Variants in MYO18A observed in about 807,000 individuals in gnomAD.
The protein encoded by MYO18A is unconventional myosin-XVIIIa.
A neutral mutation model predicts 235.8 loss-of-function variants in MYO18A; 78 were observed. That is an observed-to-expected ratio of 0.33 (90% CI 0.28 to 0.40). MYO18A has a LOEUF of 0.40. Ranked by LOEUF, MYO18A falls within the 10% of genes least tolerant of loss-of-function variation. The pLI is 1.00. For synonymous variants in MYO18A, 977 were observed against 1,077.8 expected (o/e 0.91, Z 1.83); for missense variants, 2,215 against 2,699.3 (o/e 0.82, Z 3.98).
In MYO18A at chr17:29,132,041, A is replaced by T. The variant is rs1402886773; in HGVS notation, c.1000-9788T>A. 2.6e-5 allele frequency among the ~76,000 whole-genome samples: 4 copies of T among 152,194 alleles called. No individual in the cohort carries two copies. In the South Asian group the frequency reaches 6.2e-4, roughly 24 times the overall value. On this transcript the variant is annotated intron_variant, in intron 2 of 41. Coordinates refer to ENST00000527372, the MANE Select transcript of MYO18A (RefSeq NM_078471.4). ...CAGAGGCGGAGATTCAGGAGGCCAG[A>T]TATTTTCTCAACCTCAGACCCACAA...
At chr17:29,090,215 C>T in intron 36 of MYO18A, 117 bp from the exon 37 acceptor site, 1 of 1,222,122 alleles carries the variant, frequency 8.2e-7, no homozygotes, top group Non-Finnish European at 1.1e-6. Flanking sequence ...AGGGATGCAC[C>T]TGGGAGGAAA....
At chr17:29,114,154 T>C in intron 14 of MYO18A, 57 bp from the exon 15 acceptor site, 2 of 1,362,806 alleles carry the variant, frequency 1.5e-6, no homozygotes, top group Non-Finnish European at 2.1e-6. Context: ...GGGAACAGCC[T>C]TGTGAGTAGG....
chr17:29,166,915 T>C lies in MYO18A; in HGVS notation c.26A>G (p.Lys9Arg), dbSNP rs1418681489. 2 of 1,547,368 alleles carry C rather than the reference T, an allele frequency of 1.3e-6. No homozygotes were observed. The highest frequency in any genetic ancestry group is 4.9e-5 in the East Asian group (2 of 40,836). MFNLMKKD[K>R]DKDGGRKEKK... is the part of the protein sequence containing the mutation. Reference sequence around the variant, plus strand: ...CTCCTTCCGCCCGCCATCTTTGTCCTTGTCTTTCTTCATTAGGTTAAACAT... The same window carrying C: ...CTCCTTCCGCCCGCCATCTTTGTCCCTGTCTTTCTTCATTAGGTTAAACAT... Residue 9 changes from lysine to arginine, a missense_variant, in exon 2 of 42, where the codon AAG (lysine) becomes AGG (arginine). Coordinates refer to ENST00000527372, the MANE Select transcript of MYO18A (RefSeq NM_078471.4).
At chr17:29,179,797 C>G (rs1471179970) in intron 1 of MYO18A, among the ~76,000 whole-genome samples, 1 of 152,140 alleles carries the variant, frequency 6.6e-6, no homozygotes, top group African/African-American at 2.4e-5. Flanking sequence ...GAGAGGAGCC[C>G]GCAGTCTGCC....
In MYO18A at chr17:29,087,125, G is replaced by C; in HGVS notation, c.5527-4C>G. 6.2e-7 allele frequency: 1 copy of C among 1,611,628 alleles called. No individual in the cohort carries two copies. The highest frequency in any genetic ancestry group is 8.5e-7 in the Non-Finnish European group (1 of 1,178,390). On this transcript the variant is annotated splice_polypyrimidine_tract_variant and splice_region_variant and intron_variant, in intron 37 of 41. Transcript: ENST00000527372. ...CCTTGAGACGGCTAGCCAGGCTCTGGATAGGTAGGTGGGGAAGAAAGACAC... is the reference window on the plus strand; with the variant it reads ...CCTTGAGACGGCTAGCCAGGCTCTGCATAGGTAGGTGGGGAAGAAAGACAC...
chr17:29,152,023 G>A (rs1304626671), intron 2 of MYO18A, among the ~76,000 whole-genome samples: 9 of 152,150 alleles, frequency 5.9e-5, no homozygotes, highest in East Asian at 1.9e-4. Flanking sequence ...CCCCAGCCCC[G>A]CATCCACAGA....
rs369810921 is a variant in MYO18A, at chr17:29,098,917, C to G, written c.3689G>C (p.Gly1230Ala). 15 of 1,613,950 alleles carry G rather than the reference C, an allele frequency of 9.3e-6. 1 individual carries two copies. Among genetic ancestry groups the G allele is most frequent in the Non-Finnish European group, 1.2e-5 (14 of 1,179,866 alleles). ...CTTCCACCAGGGCCAGTCCTTCACC[C>G]CTTTGTTCTTCTTGATGTTCTTCTG... ...CVQKNIKKNK[G>A]VKDWPWWKLF... Residue 1230 changes from glycine to alanine, a missense_variant, in exon 23 of 42, where the codon GGG becomes GCG. Transcript: ENST00000527372.
intron 38 of MYO18A, 64 bp from the exon 39 acceptor site, chr17:29,086,641 A>T: frequency 6.4e-7 from 1 of 1,570,820 alleles, no homozygotes; most frequent in East Asian, 2.3e-5. Flanking sequence ...GGCCAGAAGA[A>T]GCCTGCTTCA....
At chr17:29,096,964 T>C (rs368713821) in intron 27 of MYO18A, 49 bp from the exon 28 acceptor site, 94 of 1,488,590 alleles carry the variant, frequency 6.3e-5, no homozygotes, top group Non-Finnish European at 7.9e-5. Context: ...GAAGCATAGG[T>C]GGAGAAGGTG....
chr17:29,155,025 G>A (rs1409876104), intron 2 of MYO18A, among the ~76,000 whole-genome samples: 2 of 152,148 alleles, frequency 1.3e-5, no homozygotes, highest in Admixed American at 6.5e-5. Flanking sequence ...TGTTGGGGCC[G>A]GGCATGAAAC....
In MYO18A at chr17:29,120,621, T is replaced by A. The variant is rs1236117086; in HGVS notation, c.1723A>T (p.Ile575Phe). The change falls in exon 7 of 42, where the codon ATT (isoleucine) becomes TTT (phenylalanine). Residue 575 changes from isoleucine to phenylalanine, a missense_variant. Transcript: ENST00000527372. This position sits in a 1 kb window ranked among gnomAD's most constrained non-coding sequence, Gnocchi z 4.2. ...GTCCTGGGCAGCACTCTCACCTGAA[T>A]GGAGGCTGAGGCCACCTGGCCAGCT... ...DQAGQVASASIQTMLLEKLRV... is the reference protein window; with the variant it reads ...DQAGQVASASFQTMLLEKLRV... 1 of 1,613,416 alleles carries A rather than the reference T, an allele frequency of 6.2e-7. No individual in the cohort carries two copies. Among genetic ancestry groups the A allele is most frequent in the Non-Finnish European group, 8.5e-7 (1 of 1,179,656 alleles).
chr17:29,077,450 G>A (rs1378729200), intron 41 of MYO18A: 1 of 152,236 alleles, frequency 6.6e-6, no homozygotes, highest in African/African-American at 2.4e-5. Context: ...CTGCGTTCCT[G>A]TTGCAAATTC....
At position 29,158,559 on chromosome 17, in the gene MYO18A, G is replaced by A. The variant is rs1471054848; in HGVS notation, c.999+7383C>T. Among the ~76,000 whole-genome samples, 1 of 152,154 alleles carries A rather than the reference G, an allele frequency of 6.6e-6. No individual in the cohort carries two copies. The highest frequency in any genetic ancestry group is 1.9e-4 in the East Asian group (1 of 5,172). Reference sequence around the variant, plus strand: ...CGCCCTCAGTGCTGCCAGATGCCTGGGGCACAACCATACCCGCTGCCCAGG... The same window carrying A: ...CGCCCTCAGTGCTGCCAGATGCCTGAGGCACAACCATACCCGCTGCCCAGG... On this transcript the variant is annotated intron_variant, in intron 2 of 41. Coordinates refer to ENST00000527372, the MANE Select transcript of MYO18A (RefSeq NM_078471.4). The surrounding 1 kb of genome is among the most constrained non-coding windows in gnomAD (Gnocchi z 4.3).
chr17:29,109,718 G>A lies in MYO18A; in HGVS notation c.3331+140C>T. On this transcript the variant is annotated intron_variant, in intron 19 of 41. Transcript: ENST00000527372. The surrounding 1 kb of genome is among the most constrained non-coding windows in gnomAD (Gnocchi z 4.1). ...AGGGGCTGTGGGCTGGGAGAGATGA[G>A]GAGAGACCAGAGCAGAAAGGATCGT... 1 of 1,108,700 alleles carries A rather than the reference G, an allele frequency of 9.0e-7. No homozygotes were observed. Among genetic ancestry groups the A allele is most frequent in the Non-Finnish European group, 1.3e-6 (1 of 778,760 alleles). The allele number at this position is 1,108,700 out of a possible 1,614,324, so 68.7% of individuals were successfully genotyped here.
rs909382882 is a variant in MYO18A at position 29,115,947 on chromosome 17, C to A, written c.2051-107G>T. The A allele has an allele frequency of 2.6e-5, 33 of 1,271,534 alleles. No individual in the cohort carries two copies. The African/African-American group carries it at 4.7e-4, about 18-fold the overall frequency. The allele number at this position is 1,271,534 out of a possible 1,614,324, so 78.8% of individuals were successfully genotyped here. On this transcript the variant is annotated intron_variant, in intron 11 of 41. Coordinates refer to ENST00000527372, the MANE Select transcript of MYO18A (RefSeq NM_078471.4). ...TGCATCTTCTGGAGGCAAAAGCCAG[C>A]CCTGATGACACCCGATGGGCTTCAG...
At chr17:29,112,509 T>C (rs8069100) in intron 15 of MYO18A, among the ~76,000 whole-genome samples, 93,904 of 152,188 alleles carry the variant, frequency 0.62, 29,680 homozygotes, top group East Asian at 0.89. Context: ...GAGCTGCAGC[T>C]AGCTGCTCTC....
intron 21 of MYO18A, among the ~76,000 whole-genome samples, chr17:29,103,063 C>T (rs1382004169): frequency 6.6e-6 from 1 of 152,368 alleles, no homozygotes; most frequent in Non-Finnish European, 1.5e-5. Flanking sequence ...CAGACTGGCA[C>T]CCAGGGGCCA....
At chr17:29,116,712 C>A (rs1314364763) in intron 10 of MYO18A, among the ~76,000 whole-genome samples, 2 of 59,860 alleles carry the variant, frequency 3.3e-5, no homozygotes, top group African/African-American at 6.4e-5. Flanking sequence ...TGTGTGTGTG[C>A]GCAAACACAC....
Position 29,120,471 on chromosome 17 carries a change from G to C in MYO18A, c.1728+145C>G, listed in dbSNP as rs1353463431. 9.2e-7 allele frequency: 1 copy of C among 1,086,154 alleles called. No homozygotes were observed. Among genetic ancestry groups the C allele is most frequent in the Non-Finnish European group, 1.3e-6 (1 of 764,750 alleles). 67.3% of individuals were successfully genotyped at this position (1,086,154 alleles called of 1,614,324 possible). A position where few individuals can be genotyped will look rare whatever the true frequency, so the allele number is the denominator to read the frequency against. Reference sequence around the variant, plus strand: ...GGCAGAATGGTGATGCCTCTGGATAGTGCAGGCCAACCCTGCCCATGCCTG... The same window carrying C: ...GGCAGAATGGTGATGCCTCTGGATACTGCAGGCCAACCCTGCCCATGCCTG... On this transcript the variant is annotated intron_variant, in intron 7 of 41. Coordinates refer to ENST00000527372, the MANE Select transcript of MYO18A (RefSeq NM_078471.4). This position sits in a 1 kb window ranked among gnomAD's most constrained non-coding sequence, Gnocchi z 4.2.
Sources: allele counts gnomAD v4.1 joint callset (sites outside exome capture counted in the v4.1 genomes callset), GRCh38; gene constraint gnomAD v4.1.1; non-coding constraint Gnocchi (gnomAD v3.1); transcripts MANE v1.5; gene names NCBI Gene and HGNC (gene_info 2026-07-23, HGNC 2026-07-21).